Variants in RNF182 observed in about 807,000 individuals in gnomAD.
RNF182 encodes ring finger protein 182.
Under a neutral mutation model 14.4 loss-of-function variants are expected in RNF182, and 15 were observed. The ratio of observed to expected loss-of-function variants is 1.04; its 90% CI spans 0.70 to 1.60. The LOEUF (loss-of-function observed/expected upper bound fraction) is 1.60. Ranked by LOEUF, RNF182 falls within the 40% of genes most tolerant of loss-of-function variation. The probability of loss-of-function intolerance (pLI) is 0.00; values close to 1 mark genes in which losing one functional copy is unlikely to be tolerated. For missense variants in RNF182, 268 were observed against 294.8 expected, an observed-to-expected ratio of 0.91 and a Z score of 0.67; for synonymous variants, 128 against 122.9, an observed-to-expected ratio of 1.04 and a Z score of -0.27.
intron 1 of RNF182, among the ~76,000 whole-genome samples, chr6:13,939,483 G>A (rs572676829): frequency 5.9e-4 from 89 of 150,916 alleles, no homozygotes; most frequent in Middle Eastern, 6.8e-3. Flanking sequence ...GTAATTTTTT[G>A]TTTCTTGTGT....
chr6:13,938,426 T>C (rs762329504), intron 1 of RNF182, among the ~76,000 whole-genome samples: 1 of 152,118 alleles, frequency 6.6e-6, no homozygotes, highest in Non-Finnish European at 1.5e-5. Flanking sequence ...TTAACTCTTA[T>C]AATTTTTCAA....
chr6:13,952,809 C>T (rs1759629087), intron 1 of RNF182, among the ~76,000 whole-genome samples: 1 of 152,128 alleles, frequency 6.6e-6, no homozygotes, highest in South Asian at 2.1e-4. Context: ...GAGACCAGGG[C>T]ATTCCCAAAA....
chr6:13,965,091 C>G (rs1759986631), intron 1 of RNF182, among the ~76,000 whole-genome samples: 1 of 152,146 alleles, frequency 6.6e-6, no homozygotes, highest in Non-Finnish European at 1.5e-5. Flanking sequence ...GGAGCGGCAG[C>G]CAGAGACAGA....
chr6:13,974,517 A>G (rs1760274880), intron 2 of RNF182, among the ~76,000 whole-genome samples, 153 bp downstream of exon 2: 1 of 152,198 alleles, frequency 6.6e-6, no homozygotes, highest in South Asian at 2.1e-4. Flanking sequence ...TATTTCTGTG[A>G]CAAAACAAAG....
intron 1 of RNF182, among the ~76,000 whole-genome samples, chr6:13,959,211 G>A (rs1371912520): frequency 6.6e-6 from 1 of 152,166 alleles, no homozygotes. Flanking sequence ...TCTCTAAGAA[G>A]GAATGAGATT....
chr6:13,928,673 G>A (rs1047466898), intron 1 of RNF182, among the ~76,000 whole-genome samples: 13 of 152,112 alleles, frequency 8.5e-5, no homozygotes, highest in African/African-American at 2.9e-4. Flanking sequence ...TAGAATCTGG[G>A]ATCCTGTTAG....
intron 1 of RNF182, among the ~76,000 whole-genome samples, chr6:13,934,339 A>G (rs1233108870): frequency 1.3e-5 from 2 of 152,204 alleles, no homozygotes; most frequent in African/African-American, 2.4e-5. Flanking sequence ...TGTCAGCTTT[A>G]GGCCGTGCCC....
At chr6:13,956,914 G>A (rs558902366) in intron 1 of RNF182, among the ~76,000 whole-genome samples, 20 of 146,532 alleles carry the variant, frequency 1.4e-4, no homozygotes, top group African/African-American at 4.8e-4. Flanking sequence ...ACCACCCCCC[G>A]CCCCCCACCA....
Position 13,978,618 on chromosome 6 carries a change from A to G in RNF182, c.*755A>G, listed in dbSNP as rs1760410584. The G allele has an allele frequency of 6.0e-6, 1 of 167,034 alleles. No homozygotes were observed. The highest frequency in any genetic ancestry group is 6.5e-5 in the Admixed American group (1 of 15,282). 10.3% of individuals were successfully genotyped at this position (167,034 alleles called of 1,614,324 possible). A position where few individuals can be genotyped will look rare whatever the true frequency, so the allele number is the denominator to read the frequency against. ...GAATGGAGGAGAAGGAACTTCTCAT[A>G]CAGCGGTTATTATTGATGAAAACCT... On this transcript the variant is annotated 3_prime_UTR_variant, in exon 3 of 3. Transcript: ENST00000488300.
chr6:13,930,119 ATATTTGG>A (rs375076953), intron 1 of RNF182, among the ~76,000 whole-genome samples: 47,584 of 151,784 alleles, frequency 0.31, 8,003 homozygotes, highest in East Asian at 0.59. Flanking sequence ...ATTTGGAAAA[ATATTTGG>A]AAAATATTCC....
At position 13,979,983 on chromosome 6, in the gene RNF182, A is replaced by G. The variant is rs922368527; in HGVS notation, c.*2120A>G. The G allele has an allele frequency of 1.2e-5, 2 of 166,084 alleles. No homozygotes were observed. Among genetic ancestry groups the G allele is most frequent in the Non-Finnish European group, 2.9e-5 (2 of 68,078 alleles). 10.3% of individuals were successfully genotyped at this position (166,084 alleles called of 1,614,324 possible). On this transcript the variant is annotated 3_prime_UTR_variant, in exon 3 of 3. Coordinates refer to ENST00000488300, the MANE Select transcript of RNF182 (RefSeq NM_152737.4). The stretch of plus-strand genomic sequence containing the variant: ...CACTGTGATACTATTTTGTTTGTCT[A>G]TTAAATTGTTATTATTTCCAAATTT...
At chr6:13,967,108 G>A (rs988634659) in intron 1 of RNF182, among the ~76,000 whole-genome samples, 1 of 152,130 alleles carries the variant, frequency 6.6e-6, no homozygotes, top group Non-Finnish European at 1.5e-5. Context: ...AAAGTGCTGG[G>A]ATTACAGGCT....
rs1759208110 is a variant in RNF182, at chr6:13,938,780, C to T, written c.-367+13757C>T. On this transcript the variant is annotated intron_variant, in intron 1 of 2. Coordinates refer to ENST00000488300, the MANE Select transcript of RNF182 (RefSeq NM_152737.4). ...ATGCTTGTGAATCTCTGTCTGGATT[C>T]TGTATTTTGTCCTTATGATGTATTT... 2.0e-5 allele frequency among the ~76,000 whole-genome samples: 3 copies of T among 152,118 alleles called. No individual in the cohort carries two copies. In the South Asian group the frequency reaches 6.2e-4, roughly 32 times the overall value.
rs1319301350 is a variant in RNF182 at position 13,977,832 on chromosome 6, A to G, written c.713A>G (p.Glu238Gly). Residue 238 changes from glutamate to glycine, a missense_variant, in exon 3 of 3, where the codon GAA becomes GGA. Coordinates refer to ENST00000488300, the MANE Select transcript of RNF182 (RefSeq NM_152737.4). ...GGTTTTTGCCAGTGTGTTTGTCATG[A>G]ATTTCTAGACTGTATGGCACCTCCT... ...VYGFCQCVCH[E>G]FLDCMAPPS 1 of 1,614,044 alleles carries G rather than the reference A, an allele frequency of 6.2e-7. No homozygotes were observed. Among genetic ancestry groups the G allele is most frequent in the Admixed American group, 1.7e-5 (1 of 60,006 alleles).
At position 13,979,599 on chromosome 6, in the gene RNF182, G is replaced by A. The variant is rs1345553639; in HGVS notation, c.*1736G>A. On this transcript the variant is annotated 3_prime_UTR_variant, in exon 3 of 3. Coordinates refer to ENST00000488300, the MANE Select transcript of RNF182 (RefSeq NM_152737.4). ...GATTTCATAAAATCTAGTTTAGATA[G>A]CATTGTGATGCAATTTCCAGAAATC... 3 of 166,732 alleles carry A rather than the reference G, an allele frequency of 1.8e-5. No homozygotes were observed. Among genetic ancestry groups the A allele is most frequent in the Non-Finnish European group, 4.4e-5 (3 of 68,102 alleles). 10.3% of individuals were successfully genotyped at this position (166,732 alleles called of 1,614,324 possible). A position where few individuals can be genotyped will look rare whatever the true frequency, so the allele number is the denominator to read the frequency against.
chr6:13,940,317 T>C (rs1759261541), intron 1 of RNF182, among the ~76,000 whole-genome samples: 1 of 152,186 alleles, frequency 6.6e-6, no homozygotes, highest in Non-Finnish European at 1.5e-5. Context: ...TTTAAAAAAA[T>C]GTTAGAACAG....
At chr6:13,952,296 G>A (rs141496582) in intron 1 of RNF182, among the ~76,000 whole-genome samples, 13 of 152,210 alleles carry the variant, frequency 8.5e-5, no homozygotes, top group African/African-American at 3.1e-4. Context: ...CCCCCTTTGC[G>A]GGAGAGAAAG....
At chr6:13,976,338 A>G in intron 2 of RNF182, among the ~76,000 whole-genome samples, 1 of 152,234 alleles carries the variant, frequency 6.6e-6, no homozygotes, top group East Asian at 1.9e-4. Context: ...ATCAAACAAT[A>G]AAAGCATTTA....
At chr6:13,952,866 A>G (rs181610551) in intron 1 of RNF182, among the ~76,000 whole-genome samples, 1 of 152,202 alleles carries the variant, frequency 6.6e-6, no homozygotes, top group African/African-American at 2.4e-5. Context: ...ATGCTTGTTT[A>G]TATATAAGAT....
Sources: gnomAD v4.1 joint callset for allele counts (sites outside exome capture counted in the v4.1 genomes callset) on GRCh38, gnomAD v4.1.1 for gene constraint, MANE v1.5 for transcripts, NCBI Gene and HGNC (gene_info 2026-07-23, HGNC 2026-07-21) for gene names.